The following LMO7 variants were observed in gnomAD, a reference collection of about 807,000 sequenced individuals.
LMO7 encodes the protein LIM domain only protein 7.
LMO7 carries 120 observed loss-of-function variants against 206.5 expected under a neutral mutation model. The ratio of observed to expected loss-of-function variants is 0.58; its 90% confidence interval spans 0.50 to 0.68. The LOEUF is 0.68. Among genes scored for constraint, LMO7 ranks in the 30% least tolerant of loss-of-function variants. The pLI, the probability that LMO7 is intolerant of heterozygous loss-of-function variation, is 0.00. For missense variants in LMO7, 1,959 were observed against 1,957.9 expected, an observed-to-expected ratio of 1.00 and a Z score of -0.01; for synonymous variants, 706 against 681.5, an observed-to-expected ratio of 1.04 and a Z score of -0.56.
At chr13:75,662,302 T>C (rs1354337197) in intron 1 of LMO7, among the ~76,000 whole-genome samples, 3 of 152,202 alleles carry the variant, frequency 2.0e-5, no homozygotes, top group Non-Finnish European at 4.4e-5. Flanking sequence ...ATGTCATATC[T>C]TTTATACCTT....
intron 1 of LMO7, among the ~76,000 whole-genome samples, chr13:75,691,696 A>AG (rs994538586): frequency 1.3e-5 from 2 of 152,288 alleles, no homozygotes; most frequent in Admixed American, 1.3e-4. Flanking sequence ...GGCTGAGAAA[A>AG]GGGGCTACTT....
chr13:75,648,457 C>T (rs1472446167), intron 1 of LMO7, among the ~76,000 whole-genome samples: 1 of 152,150 alleles, frequency 6.6e-6, no homozygotes, highest in Non-Finnish European at 1.5e-5. Flanking sequence ...AGCTCTCAAC[C>T]CCTTCATTCA....
rs2057737139 is a variant in LMO7, at chr13:75,822,827, T to TATATATATATATATATAATAAA, written c.2641-720_2641-719insTAAAATATATATATATATATAA. On this transcript the variant is annotated intron_variant, in intron 14 of 30. Transcript: ENST00000377534. ...TAAAAATTATATATATATAATAAAATATATATATATATATATAAAACTTTT... is the reference window on the plus strand; with the variant it reads ...TAAAAATTATATATATATAATAAAATATATATATATATATATAATAAAATATATATATATATATAAAACTTTT... Among the ~76,000 whole-genome samples, 7 of 12,964 alleles carry TATATATATATATATATAATAAA rather than the reference T, an allele frequency of 5.4e-4. No individual in the cohort carries two copies. The Admixed American group carries it at 6.0e-3, about 11-fold the overall frequency. 8.5% of individuals were successfully genotyped at this position (12,964 alleles called of 152,430 possible). A position where few individuals can be genotyped will look rare whatever the true frequency, so the allele number is the denominator to read the frequency against.
intron 4 of LMO7, among the ~76,000 whole-genome samples, chr13:75,762,234 CGAAA>C (rs2048308891): frequency 6.6e-6 from 1 of 152,074 alleles, no homozygotes; most frequent in African/African-American, 2.4e-5. Flanking sequence ...TCTGACTAAT[CGAAA>C]GATAGTTTAG....
chr13:75,806,597 A>G (rs1218539032), intron 9 of LMO7: 1 of 152,248 alleles, frequency 6.6e-6, no homozygotes. Context: ...AGATGTGGAA[A>G]AAGGAAATAA....
At chr13:75,674,296 C>A (rs961470566) in intron 1 of LMO7, among the ~76,000 whole-genome samples, 2 of 152,194 alleles carry the variant, frequency 1.3e-5, no homozygotes, top group African/African-American at 4.8e-5. Context: ...TTGACTGACT[C>A]CAGTTTAGGA....
At chr13:75,852,999 T>C in intron 27 of LMO7, 93 bp from the exon 28 acceptor site, 2 of 1,063,148 alleles carry the variant, frequency 1.9e-6, no homozygotes, top group Non-Finnish European at 2.7e-6. Flanking sequence ...ATATAAAATA[T>C]AAAAATGGAT....
In LMO7 at chr13:75,768,048, GT is replaced by G. The variant is rs376482546; in HGVS notation, c.317+7011del. ...GATACCCCTACCTCACAAAGATGTT[GT>G]AATGATTAAATGAAGTCAGGTATAT... On this transcript the variant is annotated intron_variant, in intron 4 of 30. Transcript: ENST00000377534. Among the ~76,000 whole-genome samples the G allele has an allele frequency of 1.5e-3, 223 of 152,182 alleles. 1 individual carries two copies. Among genetic ancestry groups the G allele is most frequent in the African/African-American group, 5.1e-3 (211 of 41,560 alleles).
intron 2 of LMO7, among the ~76,000 whole-genome samples, chr13:75,722,222 A>AC (rs1414055289): frequency 2.0e-5 from 3 of 152,178 alleles, no homozygotes; most frequent in African/African-American, 4.8e-5. Flanking sequence ...AAATTAAAAA[A>AC]CTTCTGCACA....
chr13:75,802,697 T>A (rs1171880167), intron 7 of LMO7, among the ~76,000 whole-genome samples: 1 of 152,012 alleles, frequency 6.6e-6, no homozygotes, highest in Admixed American at 6.6e-5. Context: ...GTTTAAAGAG[T>A]GCGTAAGTGA....
intron 2 of LMO7, among the ~76,000 whole-genome samples, chr13:75,626,586 TATATATAAA>T (rs2034154265): frequency 3.4e-5 from 4 of 116,738 alleles, no homozygotes; most frequent in Non-Finnish European, 5.9e-5. Context: ...ATTATATATA[TATATATAAA>T]TTTTTTTGAG....
chr13:75,735,394 A>G (rs969725286), intron 3 of LMO7, among the ~76,000 whole-genome samples: 6 of 152,028 alleles, frequency 3.9e-5, no homozygotes, highest in African/African-American at 1.2e-4. Flanking sequence ...ACTTTCTACT[A>G]GTAATACAGT....
At chr13:75,711,291 T>A (rs555401172) in intron 1 of LMO7, among the ~76,000 whole-genome samples, 43 of 152,336 alleles carry the variant, frequency 2.8e-4, no homozygotes, top group African/African-American at 1.0e-3. Context: ...CAGGCTTTGG[T>A]ATCAGGATGA....
intron 4 of LMO7, among the ~76,000 whole-genome samples, chr13:75,780,065 G>A (rs566751403): frequency 1.5e-3 from 228 of 152,232 alleles, no homozygotes; most frequent in African/African-American, 5.2e-3. Flanking sequence ...CATGCTTCAA[G>A]GGCAATAAAA....
chr13:75,817,449 T>C (rs2057142737), intron 12 of LMO7, among the ~76,000 whole-genome samples, 171 bp downstream of exon 12: 1 of 152,190 alleles, frequency 6.6e-6, no homozygotes, highest in Non-Finnish European at 1.5e-5. Context: ...TTTTCTATTA[T>C]TATTGCATAT....
At chr13:75,670,471 T>C (rs889112579) in intron 1 of LMO7, among the ~76,000 whole-genome samples, 2 of 152,206 alleles carry the variant, frequency 1.3e-5, no homozygotes, top group Non-Finnish European at 2.9e-5. Flanking sequence ...ATAGGCTATA[T>C]AGTGTAGCTT....
Position 75,837,009 on chromosome 13 carries a change from T to C in LMO7, c.3394+552T>C, listed in dbSNP as rs1459953118. On this transcript the variant is annotated intron_variant, in intron 19 of 30. Transcript: ENST00000377534. The stretch of plus-strand genomic sequence containing the variant: ...AATTTAGCTAGCATACATCGTGTGC[T>C]ATTCCTTGGGCACAGAAAAATAAGA... Among the ~76,000 whole-genome samples, 3 of 152,182 alleles carry C rather than the reference T, an allele frequency of 2.0e-5. No homozygotes were observed. In the East Asian group the frequency reaches 5.8e-4, roughly 29 times the overall value.
intron 1 of LMO7, among the ~76,000 whole-genome samples, chr13:75,656,624 C>T (rs558432549): frequency 1.3e-5 from 2 of 152,170 alleles, no homozygotes; most frequent in Admixed American, 1.3e-4. Flanking sequence ...GTTTAGCTTG[C>T]GGTTAGTAGA....
intron 1 of LMO7, among the ~76,000 whole-genome samples, chr13:75,663,149 C>T (rs931975999): frequency 3.3e-5 from 5 of 151,664 alleles, no homozygotes; most frequent in African/African-American, 9.7e-5. Context: ...ATAAATCTCT[C>T]TCTCTATAAA....
Sources: allele counts gnomAD v4.1 joint callset (sites outside exome capture counted in the v4.1 genomes callset), GRCh38; gene constraint gnomAD v4.1.1; transcripts MANE v1.5; gene names NCBI Gene and HGNC (gene_info 2026-07-23, HGNC 2026-07-21).